Variants in HMCN1 observed in about 807,000 individuals in gnomAD.
HMCN1 encodes the protein hemicentin-1.
A neutral mutation model predicts 625.9 loss-of-function variants in HMCN1; 321 were observed. That is an observed-to-expected ratio of 0.51 (90% confidence interval 0.47 to 0.56). The LOEUF (loss-of-function observed/expected upper bound fraction) is 0.56. HMCN1 is among the 20% of genes least tolerant of loss of function. The pLI is 0.00. For synonymous variants in HMCN1, 2,425 were observed against 2,417.6 expected (o/e 1.00, Z -0.09); for missense variants, 6,588 against 6,887.3 (o/e 0.96, Z 1.54).
At chr1:186,145,289 T>G in intron 91 of HMCN1, 114 bp from the exon 92 acceptor site, 1 of 1,046,348 alleles carries the variant, frequency 9.6e-7, no homozygotes, top group Non-Finnish European at 1.4e-6. Flanking sequence ...TTGCATGTTT[T>G]GTTTTAGGTG....
intron 1 of HMCN1, among the ~76,000 whole-genome samples, chr1:185,781,998 T>A (rs1657155926): frequency 6.6e-6 from 1 of 152,326 alleles, no homozygotes; most frequent in East Asian, 1.9e-4. Context: ...TTTGTAGGTC[T>A]CTAAGGACTT....
At chr1:185,809,754 AGGT>A (rs929153848) in intron 1 of HMCN1, among the ~76,000 whole-genome samples, 16 of 152,164 alleles carry the variant, frequency 1.1e-4, no homozygotes, top group Admixed American at 9.2e-4. Context: ...AAAAGTATTT[AGGT>A]CTGTTCTACA....
chr1:186,063,181 G>A (rs1657865624), intron 48 of HMCN1, among the ~76,000 whole-genome samples: 1 of 143,258 alleles, frequency 7.0e-6, no homozygotes, highest in African/African-American at 2.6e-5. Context: ...TAGTGCTCTG[G>A]TAAACATACT....
intron 23 of HMCN1, among the ~76,000 whole-genome samples, chr1:185,994,317 G>A (rs146886883): frequency 6.6e-6 from 1 of 152,006 alleles, no homozygotes; most frequent in African/African-American, 2.4e-5. Context: ...GCTCTTTGTG[G>A]TTTTCTCATC....
intron 1 of HMCN1, among the ~76,000 whole-genome samples, chr1:185,836,200 G>A (rs115196162): frequency 1.6e-3 from 244 of 152,172 alleles, no homozygotes; most frequent in African/African-American, 5.7e-3. Flanking sequence ...TAACCACACA[G>A]CCAAAATGCA....
At chr1:186,021,526 G>T (rs1654720438) in intron 35 of HMCN1, among the ~76,000 whole-genome samples, 1 of 151,954 alleles carries the variant, frequency 6.6e-6, no homozygotes, top group Non-Finnish European at 1.5e-5. Flanking sequence ...AAAGAAGAGA[G>T]GACTGACCTA....
rs79018871 is a variant in HMCN1 at position 186,104,560 on chromosome 1, A to C, written c.10770+892A>C. ...CTCTCTACTATGTCCTGTTGTGTTCATCTCTGTGCTATCTATCCCACCCAT... is the reference window on the plus strand; with the variant it reads ...CTCTCTACTATGTCCTGTTGTGTTCCTCTCTGTGCTATCTATCCCACCCAT... On this transcript the variant is annotated intron_variant, in intron 69 of 106. Coordinates refer to ENST00000271588, the MANE Select transcript of HMCN1 (RefSeq NM_031935.3). Among the ~76,000 whole-genome samples the C allele has an allele frequency of 2.8e-3, 428 of 152,310 alleles. 5 individuals are homozygous for C. Among genetic ancestry groups the C allele is most frequent in the African/African-American group, 9.9e-3 (413 of 41,568 alleles).
chr1:186,142,122 C>A (rs1650006249), intron 89 of HMCN1, among the ~76,000 whole-genome samples: 1 of 152,040 alleles, frequency 6.6e-6, no homozygotes, highest in Non-Finnish European at 1.5e-5. Flanking sequence ...AGCATAGTAT[C>A]CAAATTTATT....
intron 12 of HMCN1, among the ~76,000 whole-genome samples, chr1:185,963,390 A>C (rs556450079): frequency 6.6e-6 from 1 of 152,242 alleles, no homozygotes; most frequent in East Asian, 1.9e-4. Flanking sequence ...CACCACATGG[A>C]GCAAGATTGC....
Position 185,994,971 on chromosome 1 carries a change from A to G in HMCN1, c.3662A>G (p.Asn1221Ser). The G allele has an allele frequency of 1.2e-6, 2 of 1,613,902 alleles. No homozygotes were observed. Among genetic ancestry groups the G allele is most frequent in the Non-Finnish European group, 1.7e-6 (2 of 1,179,858 alleles). Residue 1221 changes from asparagine to serine, a missense_variant, in exon 24 of 107, where the codon AAT becomes AGT. Asn to Ser is a conservative substitution (Grantham distance 46, BLOSUM62 1). Coordinates refer to ENST00000271588, the MANE Select transcript of HMCN1 (RefSeq NM_031935.3). ...MLVDGEHHVS[N>S]PDGTLSIDQA... The stretch of plus-strand genomic sequence containing the variant: ...GTTGATGGAGAGCACCATGTTAGCA[A>G]TCCAGACGGAACTTTAAGCATCGAC...
intron 11 of HMCN1, among the ~76,000 whole-genome samples, chr1:185,936,966 G>A (rs572607365): frequency 6.6e-6 from 1 of 152,306 alleles, no homozygotes; most frequent in African/African-American, 2.4e-5. Flanking sequence ...TTGGATGAGT[G>A]TCACCTCATT....
rs1337109610 is a variant in HMCN1, at chr1:185,865,711, C to A, written c.499-30C>A. The A allele has an allele frequency of 2.5e-6, 4 of 1,569,370 alleles. 1 individual carries two copies. The highest frequency in any genetic ancestry group is 1.1e-5 in the South Asian group (1 of 89,352). ...TTTTTTTATTTCTGGAAACCCTTTA[C>A]ACTGTTTCTTTTTTTTTTTTTAATC... On this transcript the variant is annotated intron_variant, in intron 3 of 106. Transcript: ENST00000271588.
At chr1:185,854,115 A>C (rs1197125530) in intron 2 of HMCN1, among the ~76,000 whole-genome samples, 1 of 152,226 alleles carries the variant, frequency 6.6e-6, no homozygotes, top group Non-Finnish European at 1.5e-5. Context: ...TCCTTGATCT[A>C]CAGACAGGAT....
chr1:185,981,525 A>G (rs1264390799), intron 17 of HMCN1, among the ~76,000 whole-genome samples: 2 of 152,178 alleles, frequency 1.3e-5, no homozygotes, highest in Admixed American at 6.5e-5. Context: ...CCATTTGATC[A>G]TGTAGTAAGT....
intron 1 of HMCN1, among the ~76,000 whole-genome samples, chr1:185,781,344 C>T (rs189166497): frequency 6.6e-6 from 1 of 152,234 alleles, no homozygotes; most frequent in Non-Finnish European, 1.5e-5. Context: ...GTGTCTCTAT[C>T]TCCTTCAGTT....
intron 11 of HMCN1, among the ~76,000 whole-genome samples, chr1:185,961,956 G>A (rs1650053075): frequency 1.3e-5 from 2 of 152,056 alleles, no homozygotes; most frequent in Admixed American, 1.3e-4. Flanking sequence ...AGTTTTAAGT[G>A]TCTTTTATAT....
chr1:186,115,240 T>C lies in HMCN1; in HGVS notation c.11405-18T>C, dbSNP rs772986802. 3 of 1,613,672 alleles carry C rather than the reference T, an allele frequency of 1.9e-6. No homozygotes were observed. The highest frequency in any genetic ancestry group is 1.3e-5 in the African/African-American group (1 of 74,914). ...TTTGCTGACTGTGTTTCCTTCTTAT[T>C]TGGTGACATTGTCTTAGTTCCTCCA... is the stretch of plus-strand genomic sequence containing the variant. On this transcript the variant is annotated intron_variant, in intron 74 of 106. Transcript: ENST00000271588.
chr1:186,122,813 G>T (rs1211762496), intron 80 of HMCN1, 138 bp from the exon 81 acceptor site: 2 of 897,946 alleles, frequency 2.2e-6, no homozygotes, highest in African/African-American at 3.4e-5. Context: ...AAAAAATGTA[G>T]TGCTCCTTTT....
chr1:186,068,224 T>A (rs1236793970), intron 50 of HMCN1, among the ~76,000 whole-genome samples: 1 of 152,068 alleles, frequency 6.6e-6, no homozygotes, highest in African/African-American at 2.4e-5. Context: ...TTTTAAAAGA[T>A]CAGAAGAATA....
Sources: allele counts gnomAD v4.1 joint callset (sites outside exome capture counted in the v4.1 genomes callset), GRCh38; gene constraint gnomAD v4.1.1; transcripts MANE v1.5; gene names NCBI Gene and HGNC (gene_info 2026-07-23, HGNC 2026-07-21).